Variants in NRG1 observed in about 807,000 individuals in gnomAD.
The protein encoded by NRG1 is pro-neuregulin-1, membrane-bound isoform.
In NRG1, 18 loss-of-function variants were observed where a neutral mutation model predicts 63.8. The observed-to-expected ratio is 0.28, with a 90% CI of 0.19 to 0.42. The LOEUF (loss-of-function observed/expected upper bound fraction) is 0.42. Among genes scored for constraint, NRG1 ranks in the 10% least tolerant of loss-of-function variants. NRG1 has a pLI of 1.00. For missense variants in NRG1, 762 were observed against 814.7 expected (o/e 0.94, Z 0.79); for synonymous variants, 302 against 301.3 (o/e 1.00, Z -0.02).
chr8:32,677,201 G>A (rs929799965), intron 5 of NRG1, among the ~76,000 whole-genome samples: 12 of 152,058 alleles, frequency 7.9e-5, no homozygotes, highest in Admixed American at 3.3e-4. Context: ...AAATTTATTA[G>A]TAAATATTTA....
chr8:32,104,630 A>G (rs1413787658), intron 1 of NRG1, among the ~76,000 whole-genome samples: 3 of 152,140 alleles, frequency 2.0e-5, no homozygotes, highest in Non-Finnish European at 4.4e-5. Flanking sequence ...CTGTATAAAA[A>G]TAATTTCTTT....
intron 5 of NRG1, among the ~76,000 whole-genome samples, chr8:32,662,962 T>C (rs1192549774): frequency 1.3e-5 from 2 of 152,200 alleles, no homozygotes; most frequent in African/African-American, 4.8e-5. Context: ...CGGCTTTATG[T>C]GTGACTAGAG....
intron 1 of NRG1, among the ~76,000 whole-genome samples, chr8:32,388,314 T>C (rs1427825909): frequency 6.6e-6 from 1 of 152,184 alleles, no homozygotes; most frequent in Non-Finnish European, 1.5e-5. Flanking sequence ...ATCTAGTAAT[T>C]TTCTTAGTAT....
At chr8:32,448,757 G>T (rs1820589554) in intron 1 of NRG1, among the ~76,000 whole-genome samples, 1 of 152,124 alleles carries the variant, frequency 6.6e-6, no homozygotes, top group Non-Finnish European at 1.5e-5. Flanking sequence ...GCCCCCAGGG[G>T]TCCCCCCTGC....
intron 1 of NRG1, among the ~76,000 whole-genome samples, chr8:32,003,466 G>T (rs2129723107): frequency 6.6e-6 from 1 of 151,986 alleles, no homozygotes; most frequent in South Asian, 2.1e-4. Flanking sequence ...TCAAAAGCGT[G>T]GCAATCACTT....
At chr8:31,739,119 A>G (rs1814999651) in intron 1 of NRG1, among the ~76,000 whole-genome samples, 1 of 152,008 alleles carries the variant, frequency 6.6e-6, no homozygotes, top group African/African-American at 2.4e-5. Flanking sequence ...TCCCAAATTT[A>G]CTAGTAGTAT....
intron 1 of NRG1, among the ~76,000 whole-genome samples, chr8:31,735,045 C>T (rs1009535973): frequency 1.3e-5 from 2 of 151,958 alleles, no homozygotes; most frequent in African/African-American, 4.8e-5. Context: ...TTGGTAATGG[C>T]CTTCTGAAAA....
intron 1 of NRG1, among the ~76,000 whole-genome samples, chr8:32,271,423 C>T (rs1211980609): frequency 6.6e-6 from 1 of 152,130 alleles, no homozygotes. Context: ...GGAGAAGAGA[C>T]TGAGTATTTG....
chr8:31,900,552 C>T (rs1408349969), intron 1 of NRG1, among the ~76,000 whole-genome samples: 2 of 152,154 alleles, frequency 1.3e-5, no homozygotes, highest in Non-Finnish European at 2.9e-5. Flanking sequence ...GTTGCATGAA[C>T]TTTAGGAAAG....
intron 1 of NRG1, among the ~76,000 whole-genome samples, chr8:32,000,210 G>A (rs912998458): frequency 3.3e-5 from 5 of 152,084 alleles, no homozygotes; most frequent in Non-Finnish European, 7.4e-5. Flanking sequence ...AGTGGTCTGG[G>A]CTAAACTATT....
chr8:31,867,216 C>G (rs1829040568), intron 1 of NRG1, among the ~76,000 whole-genome samples: 1 of 152,168 alleles, frequency 6.6e-6, no homozygotes, highest in African/African-American at 2.4e-5. Context: ...TGCTTCCTTT[C>G]TGAATGTGGT....
At chr8:31,858,038 G>T (rs927013957) in intron 1 of NRG1, among the ~76,000 whole-genome samples, 1 of 152,158 alleles carries the variant, frequency 6.6e-6, no homozygotes, top group Non-Finnish European at 1.5e-5. Context: ...GGTGGCTCAC[G>T]CCTGTAATCC....
chr8:31,947,646 A>C (rs1802784897), intron 1 of NRG1, among the ~76,000 whole-genome samples: 1 of 152,100 alleles, frequency 6.6e-6, no homozygotes, highest in Admixed American at 6.5e-5. Flanking sequence ...ATGCAAACGT[A>C]GAAATACCAC....
intron 1 of NRG1, among the ~76,000 whole-genome samples, chr8:31,927,133 C>T (rs193119662): frequency 3.3e-5 from 5 of 152,150 alleles, no homozygotes; most frequent in African/African-American, 4.8e-5. Context: ...CAATTATTAT[C>T]CCCATTTACA....
At chr8:32,723,044 A>C (rs1821038371) in intron 5 of NRG1, among the ~76,000 whole-genome samples, 1 of 152,190 alleles carries the variant, frequency 6.6e-6, no homozygotes, top group Admixed American at 6.5e-5. Context: ...TTCTTTTTTT[A>C]CTTTTGTTTG....
intron 1 of NRG1, among the ~76,000 whole-genome samples, chr8:32,371,758 A>G (rs970283241): frequency 6.6e-6 from 1 of 152,122 alleles, no homozygotes; most frequent in African/African-American, 2.4e-5. Flanking sequence ...GAAGGATAAA[A>G]TCCTCAAACT....
At chr8:32,409,312 T>C (rs1814553595) in intron 1 of NRG1, among the ~76,000 whole-genome samples, 1 of 152,086 alleles carries the variant, frequency 6.6e-6, no homozygotes, top group African/African-American at 2.4e-5. Flanking sequence ...TACAAGAAAA[T>C]TTAGAAAAAA....
intron 1 of NRG1, among the ~76,000 whole-genome samples, chr8:32,054,575 C>G (rs1470023504): frequency 6.6e-6 from 1 of 152,064 alleles, no homozygotes; most frequent in Non-Finnish European, 1.5e-5. Flanking sequence ...GTGTGCAAAA[C>G]CAGGAAAAAT....
chr8:32,683,654 G>C (rs2128921529), intron 5 of NRG1, among the ~76,000 whole-genome samples: 1 of 152,148 alleles, frequency 6.6e-6, no homozygotes, highest in African/African-American at 2.4e-5. Context: ...TTCCTACATA[G>C]GGGAAGTCTT....
Sources: gnomAD v4.1 joint callset for allele counts (sites outside exome capture counted in the v4.1 genomes callset) on GRCh38, gnomAD v4.1.1 for gene constraint, MANE v1.5 for transcripts, NCBI Gene and HGNC (gene_info 2026-07-23, HGNC 2026-07-21) for gene names.